The following PRAME variants were observed in gnomAD, a reference collection of about 807,000 sequenced individuals.
PRAME encodes melanoma antigen preferentially expressed in tumors.
A neutral mutation model predicts 32.1 loss-of-function variants in PRAME; 21 were observed. The observed-to-expected ratio is 0.65, with a 90% CI of 0.46 to 0.94. The LOEUF is 0.94. Among genes scored for constraint, PRAME ranks in the 40% least tolerant of loss-of-function variants. The pLI is 0.00. For synonymous variants in PRAME, 274 were observed against 251.5 expected (o/e 1.09, Z -0.85); for missense variants, 651 against 622.3 (o/e 1.05, Z -0.49).
intron 2 of PRAME, 104 bp from the exon 3 acceptor site, chr22:22,557,013 GA>G (rs1336343267): frequency 2.9e-6 from 2 of 695,072 alleles, no homozygotes; most frequent in African/African-American, 3.6e-5. Context: ...TGAGGAAACT[GA>G]CAACTGGCGA....
rs149380937 is a variant in PRAME at position 22,551,153 on chromosome 22, C to T, written c.22-64G>A. 452 of 1,453,206 alleles carry T rather than the reference C, an allele frequency of 3.1e-4. 1 individual carries two copies. The African/African-American group carries it at 6.0e-3, about 19-fold the overall frequency. 90.0% of individuals were successfully genotyped at this position (1,453,206 alleles called of 1,614,324 possible). On this transcript the variant is annotated intron_variant, in intron 3 of 5. Coordinates refer to ENST00000405655, the MANE Select transcript of PRAME (RefSeq NM_206956.3). The stretch of plus-strand genomic sequence containing the variant: ...CCAAGCATAAGCAACTCTATCTTTT[C>T]CTCACCCTTCTGAGGGACCAACTTA...
chr22:22,549,650 A>ACAAGAC, intron 5 of PRAME, 76 bp downstream of exon 5: 1 of 1,495,358 alleles, frequency 6.7e-7, no homozygotes, highest in Non-Finnish European at 8.9e-7. Flanking sequence ...GCTGGCACAT[A>ACAAGAC]CAAGATATCC....
chr22:22,550,076 T>A lies in PRAME; in HGVS notation c.603A>T (p.Arg201=), dbSNP rs773608374. ...AGCACAGGCGTAGTACATTTTTCTT[T>A]CGCTTCACTTTCTCAATGAGGTAGG... ...LFSYLIEKVK[R]KKNVLRLCCK... The change falls in exon 5 of 6, where the codon CGA becomes CGT. Residue 201 remains arginine (R), a synonymous_variant. Transcript: ENST00000405655. 1 of 1,613,940 alleles carries A rather than the reference T, an allele frequency of 6.2e-7. No individual in the cohort carries two copies. The highest frequency in any genetic ancestry group is 1.1e-5 in the South Asian group (1 of 91,072).
chr22:22,559,254 CG>C lies in PRAME; in HGVS notation c.-398del, dbSNP rs1188086437. 2 of 315,378 alleles carry C rather than the reference CG, an allele frequency of 6.3e-6. No individual in the cohort carries two copies. The highest frequency in any genetic ancestry group is 1.2e-5 in the Non-Finnish European group (2 of 160,468). The allele number at this position is 315,378 out of a possible 1,614,324, so 19.5% of individuals were successfully genotyped here. A position where few individuals can be genotyped will look rare whatever the true frequency, so the allele number is the denominator to read the frequency against. The stretch of plus-strand genomic sequence containing the variant: ...GCGCTGCAGGCCCGGCTTCTGGCTG[CG>C]GGGGAGCTGTACCCTGAAGCCTCGC... On this transcript the variant is annotated 5_prime_UTR_variant, in exon 1 of 6. Transcript: ENST00000405655.
intron 3 of PRAME, chr22:22,553,037 A>G (rs2062691932): frequency 2.3e-6 from 1 of 428,834 alleles, no homozygotes; most frequent in Admixed American, 2.6e-5. Flanking sequence ...CTTCAGGTTC[A>G]ACTGATTGAA....
At chr22:22,556,788 A>T in intron 3 of PRAME, 24 bp downstream of exon 3, 1 of 1,612,584 alleles carries the variant, frequency 6.2e-7, no homozygotes. Context: ...TGAGCACCTC[A>T]GACAGCTCAG....
In PRAME at chr22:22,556,809, T is replaced by TACC; in HGVS notation, c.21_21+2dup. 1.2e-6 allele frequency: 2 copies of TACC among 1,612,726 alleles called. No homozygotes were observed. The highest frequency in any genetic ancestry group is 2.2e-5 in the South Asian group (2 of 91,060). On this transcript the variant is annotated splice_region_variant and intron_variant, in intron 3 of 5. Transcript: ENST00000405655. ...CCTCAGACAGCTCAGGGGACCTTCT[T>TACC]ACCCACAAACGCCTTCGTTCCATTT...
intron 3 of PRAME, among the ~76,000 whole-genome samples, chr22:22,556,197 T>A (rs1403694065): frequency 6.6e-6 from 1 of 150,892 alleles, no homozygotes; most frequent in Non-Finnish European, 1.5e-5. Context: ...AAGACAGGAT[T>A]TCACCATTTT....
rs139811851 is a variant in PRAME at position 22,550,844 on chromosome 22, T to C, written c.267A>G (p.Gly89=). The C allele has an allele frequency of 1.2e-6, 2 of 1,613,294 alleles. No individual in the cohort carries two copies. Among genetic ancestry groups the C allele is most frequent in the Non-Finnish European group, 1.7e-6 (2 of 1,179,574 alleles). Residue 89 remains glycine, a synonymous_variant, in exon 4 of 6, where the codon GGA becomes GGG. Transcript: ENST00000405655. ...TGAAGGTCTCCAGGTGAAGATGTTG[T>C]CCCTTCATCAGCACTCCCAGAGGGA... ...TCLPLGVLMK[G]QHLHLETFKA... is the part of the protein sequence containing the mutation.
In PRAME at chr22:22,548,113, A is replaced by C. The variant is rs750804202; in HGVS notation, c.1484T>G (p.Phe495Cys). ...GCACAGGATGGGCTCCGGGTCATAGAAGGTTCTGTCCCCACAGTGAGGACA... is the reference window on the plus strand; with the variant it reads ...GCACAGGATGGGCTCCGGGTCATAGCAGGTTCTGTCCCCACAGTGAGGACA... ...NPCPHCGDRTFYDPEPILCPC... is the reference protein window; with the variant it reads ...NPCPHCGDRTCYDPEPILCPC... Residue 495 changes from phenylalanine (F) to cysteine (C), a missense_variant, in exon 6 of 6, where the codon TTC becomes TGC. Transcript: ENST00000405655. The C allele has an allele frequency of 6.0e-5, 96 of 1,609,622 alleles. No individual in the cohort carries two copies. Among genetic ancestry groups the C allele is most frequent in the Non-Finnish European group, 7.7e-5 (91 of 1,176,794 alleles).
chr22:22,556,686 G>T, intron 3 of PRAME, 126 bp downstream of exon 3: 1 of 1,126,776 alleles, frequency 8.9e-7, no homozygotes, highest in Non-Finnish European at 1.3e-6. Flanking sequence ...AACAATAAAA[G>T]CGGCTCCTGC....
chr22:22,552,852 G>T (rs1165258399), intron 3 of PRAME: 2 of 470,824 alleles, frequency 4.2e-6, no homozygotes, highest in Non-Finnish European at 8.8e-6. Flanking sequence ...AGACCTCTGG[G>T]AAGACCACAA....
chr22:22,548,674 G>T, intron 5 of PRAME, 31 bp from the exon 6 acceptor site: 1 of 1,523,708 alleles, frequency 6.6e-7, no homozygotes, highest in South Asian at 1.2e-5. Flanking sequence ...TAGTGCTGGG[G>T]AATGGTGGTA....
At position 22,549,902 on chromosome 22, in the gene PRAME, C is replaced by T. The variant is rs771900994; in HGVS notation, c.777G>A (p.Met259Ile). 6.2e-7 allele frequency: 1 copy of T among 1,613,820 alleles called. No homozygotes were observed. The highest frequency in any genetic ancestry group is 2.2e-5 in the East Asian group (1 of 44,778). The change falls in exon 5 of 6, where the codon ATG becomes ATA. Residue 259 changes from methionine to isoleucine, a missense_variant. Transcript: ENST00000405655. ...AGAGGAGGAGTCTACGCAGATTAAT[C>T]ATCTGGCCCAGGTAAGGAGAAAATT... is the stretch of plus-strand genomic sequence containing the variant. The part of the protein sequence containing the change: ...LAKFSPYLGQ[M>I]INLRRLLLSH...
intron 3 of PRAME, chr22:22,555,838 C>G (rs1044905693): frequency 8.5e-6 from 4 of 469,452 alleles, no homozygotes; most frequent in African/African-American, 4.0e-5. Context: ...ACACTTACCC[C>G]TAATGGCCCA....
chr22:22,556,501 G>A (rs1302948553), intron 3 of PRAME, among the ~76,000 whole-genome samples: 2 of 151,724 alleles, frequency 1.3e-5, no homozygotes, highest in South Asian at 4.2e-4. Context: ...TAGTAGACGC[G>A]GGGTTTCACA....
rs150081618 is a variant in PRAME, at chr22:22,550,144, C to T, written c.535G>A (p.Val179Ile). Residue 179 changes from valine to isoleucine, a missense_variant, in exon 5 of 6, where the codon GTA becomes ATA. Coordinates refer to ENST00000405655, the MANE Select transcript of PRAME (RefSeq NM_206956.3). ...EQPFIPVEVL[V>I]DLFLKEGACD... ...GCACCTTCCTTGAGGAACAGGTCTA[C>T]GAGCACCTCTACTGGAATGAAGGGC... 41 of 1,613,704 alleles carry T rather than the reference C, an allele frequency of 2.5e-5. No homozygotes were observed. Among genetic ancestry groups the T allele is most frequent in the Admixed American group, 6.7e-5 (4 of 59,956 alleles).
chr22:22,556,770 G>A (rs2062952110), intron 3 of PRAME, 42 bp downstream of exon 3: 2 of 1,611,498 alleles, frequency 1.2e-6, no homozygotes, highest in East Asian at 2.2e-5. Context: ...AGGGGAACAG[G>A]GCTTCTCTGA....
In PRAME at chr22:22,547,859, CCT is replaced by C; in HGVS notation, c.*206_*207del. The C allele has an allele frequency of 1.7e-6, 1 of 586,270 alleles. No homozygotes were observed. The highest frequency in any genetic ancestry group is 3.0e-6 in the Non-Finnish European group (1 of 333,086). The allele number at this position is 586,270 out of a possible 1,614,324, so 36.3% of individuals were successfully genotyped here. A position where few individuals can be genotyped will look rare whatever the true frequency, so the allele number is the denominator to read the frequency against. ...TATCTCCCCAAAGATCACATTAACT[CCT>C]CAAGTCAACATCTGCCTACCCCCAA... On this transcript the variant is annotated 3_prime_UTR_variant, in exon 6 of 6. Transcript: ENST00000405655.
Sources: gnomAD v4.1 joint callset for allele counts (sites outside exome capture counted in the v4.1 genomes callset) on GRCh38, gnomAD v4.1.1 for gene constraint, MANE v1.5 for transcripts, NCBI Gene and HGNC (gene_info 2026-07-23, HGNC 2026-07-21) for gene names.